Variants in ARHGAP42 observed in about 807,000 individuals in gnomAD.
The protein encoded by ARHGAP42 is rho GTPase-activating protein 42.
ARHGAP42 carries 63 observed loss-of-function variants against 125.0 expected under a neutral mutation model. The ratio of observed to expected loss-of-function variants is 0.50; its 90% CI spans 0.41 to 0.62. ARHGAP42 has a LOEUF of 0.62. ARHGAP42 is among the 20% of genes least tolerant of loss of function. The pLI is 0.00. For missense variants in ARHGAP42, 766 were observed against 1,024.2 expected (o/e 0.75, Z 3.44); for synonymous variants, 339 against 351.0 (o/e 0.97, Z 0.38).
chr11:100,805,238 G>C (rs1863962052), intron 3 of ARHGAP42, among the ~76,000 whole-genome samples: 1 of 152,084 alleles, frequency 6.6e-6, no homozygotes, highest in African/African-American at 2.4e-5. Flanking sequence ...GTGGGGATCT[G>C]GAGCCTTCAT....
At chr11:100,884,061 A>T (rs1343618454) in intron 4 of ARHGAP42, among the ~76,000 whole-genome samples, 1 of 152,214 alleles carries the variant, frequency 6.6e-6, no homozygotes, top group Non-Finnish European at 1.5e-5. Flanking sequence ...GACCGCACAC[A>T]GTGGATTTTC....
At chr11:100,976,997 G>A (rs374580296) in intron 21 of ARHGAP42, 26 bp downstream of exon 21, 14 of 1,550,164 alleles carry the variant, frequency 9.0e-6, no homozygotes, top group African/African-American at 1.4e-5. Flanking sequence ...TATATTTGCT[G>A]TGTCTCCCAG....
intron 1 of ARHGAP42, among the ~76,000 whole-genome samples, chr11:100,749,996 G>A (rs1045264914): frequency 1.3e-5 from 2 of 152,130 alleles, no homozygotes; most frequent in African/African-American, 4.8e-5. Context: ...TCCTCACACT[G>A]GGTCCTGATT....
chr11:100,976,838 A>G lies in ARHGAP42; in HGVS notation c.2260A>G (p.Ile754Val), dbSNP rs955750040. ...AGGAAACAAGAGCTACAGTGGATCT[A>G]TTCAAAGCTTAACTTCTGTAGGTTC... Reference protein sequence around the residue: ...AEGNKSYSGSIQSLTSVGSKE... With the variant: ...AEGNKSYSGSVQSLTSVGSKE... Residue 754 changes from isoleucine (I) to valine (V), a missense_variant, in exon 21 of 24, where the codon ATT becomes GTT. Physicochemically the swap from Ile to Val is conservative, Grantham distance 29. Around this residue, in one of 3 missense-constraint regions of ARHGAP42, gnomAD observed 308 missense variants for 369.7 expected, o/e 0.83. Transcript: ENST00000298815. 3.9e-6 allele frequency: 6 copies of G among 1,550,794 alleles called. No homozygotes were observed. Among genetic ancestry groups the G allele is most frequent in the Non-Finnish European group, 4.4e-6 (5 of 1,146,798 alleles).
At chr11:100,963,544 G>A (rs937428083) in intron 16 of ARHGAP42, among the ~76,000 whole-genome samples, 1 of 152,200 alleles carries the variant, frequency 6.6e-6, no homozygotes, top group Admixed American at 6.5e-5. Flanking sequence ...CACAGGAAAT[G>A]TGTGCTGATA....
At chr11:100,875,757 G>T (rs936338531) in intron 4 of ARHGAP42, among the ~76,000 whole-genome samples, 1 of 105,668 alleles carries the variant, frequency 9.5e-6, no homozygotes, top group Admixed American at 8.9e-5. Context: ...CACGTCCAGG[G>T]TGGCGGGGGG....
intron 8 of ARHGAP42, among the ~76,000 whole-genome samples, chr11:100,939,798 A>G (rs1297799767): frequency 6.6e-6 from 1 of 152,190 alleles, no homozygotes; most frequent in African/African-American, 2.4e-5. Flanking sequence ...AGAAAGCAGC[A>G]TGTGTTTGCA....
intron 3 of ARHGAP42, among the ~76,000 whole-genome samples, chr11:100,799,937 G>A (rs1366820562): frequency 1.3e-5 from 2 of 152,134 alleles, no homozygotes; most frequent in Non-Finnish European, 2.9e-5. Context: ...TGTTATGAAG[G>A]AGTGGTTATT....
intron 4 of ARHGAP42, among the ~76,000 whole-genome samples, chr11:100,890,174 C>G (rs1866185034): frequency 6.6e-6 from 1 of 152,188 alleles, no homozygotes. Context: ...TAGGCAGCCA[C>G]ATCTTTTGAA....
intron 3 of ARHGAP42, among the ~76,000 whole-genome samples, chr11:100,853,392 T>G (rs1865250297): frequency 6.6e-6 from 1 of 152,180 alleles, no homozygotes; most frequent in Non-Finnish European, 1.5e-5. Context: ...TTTGAAAATG[T>G]TTCCACAATG....
intron 1 of ARHGAP42, among the ~76,000 whole-genome samples, chr11:100,717,359 C>G (rs140823204): frequency 1.3e-5 from 2 of 152,036 alleles, no homozygotes; most frequent in African/African-American, 4.8e-5. Flanking sequence ...ATATATAGGC[C>G]GGGCGCGGTG....
chr11:100,990,475 C>T lies in ARHGAP42; in HGVS notation c.*1674C>T, dbSNP rs1858803843. 6.6e-6 allele frequency: 1 copy of T among 152,014 alleles called. No individual in the cohort carries two copies. The highest frequency in any genetic ancestry group is 1.5e-5 in the Non-Finnish European group (1 of 68,014). The allele number at this position is 152,014 out of a possible 1,614,324, so 9.4% of individuals were successfully genotyped here. On this transcript the variant is annotated 3_prime_UTR_variant, in exon 24 of 24. Coordinates refer to ENST00000298815, the MANE Select transcript of ARHGAP42 (RefSeq NM_152432.4). Reference sequence around the variant, plus strand: ...AACAAGTAGAGAGAATAACGGTAGGCAGAGTCAGAATCAGGAATAAATATC... The same window carrying T: ...AACAAGTAGAGAGAATAACGGTAGGTAGAGTCAGAATCAGGAATAAATATC...
chr11:100,708,995 A>T (rs1248899726), intron 1 of ARHGAP42, among the ~76,000 whole-genome samples: 2 of 152,170 alleles, frequency 1.3e-5, no homozygotes, highest in Admixed American at 1.3e-4. Flanking sequence ...ACCTTGTACT[A>T]TACTCACCTT....
chr11:100,983,563 C>A (rs889916601), intron 22 of ARHGAP42, among the ~76,000 whole-genome samples: 9 of 152,140 alleles, frequency 5.9e-5, no homozygotes, highest in Non-Finnish European at 8.8e-5. Context: ...TGTATTGTTG[C>A]TATCATAGTG....
chr11:100,842,819 C>T (rs527955750), intron 3 of ARHGAP42, among the ~76,000 whole-genome samples: 24 of 151,904 alleles, frequency 1.6e-4, no homozygotes, highest in Non-Finnish European at 1.5e-4. Context: ...ACAGCAAAGA[C>T]GGCGCTAAGA....
rs113343922 is a variant in ARHGAP42 at position 100,731,428 on chromosome 11, C to A, written c.155-38915C>A. 2.3e-3 allele frequency among the ~76,000 whole-genome samples: 344 copies of A among 152,204 alleles called. 2 individuals carry two copies. Among genetic ancestry groups the A allele is most frequent in the African/African-American group, 7.7e-3 (319 of 41,516 alleles). ...ACTCCTAGAGTGCAGGGATTACAGG[C>A]GTGAGCCACTGTGCCCGGCCATCAT... On this transcript the variant is annotated intron_variant, in intron 1 of 23. Coordinates refer to ENST00000298815, the MANE Select transcript of ARHGAP42 (RefSeq NM_152432.4).
At chr11:100,904,282 C>T (rs1409530199) in intron 4 of ARHGAP42, among the ~76,000 whole-genome samples, 5 of 148,892 alleles carry the variant, frequency 3.4e-5, no homozygotes, top group South Asian at 2.1e-4. Flanking sequence ...CTTGCTCTGT[C>T]GCCCAGGCTG....
chr11:100,861,282 G>A (rs924002547), intron 4 of ARHGAP42, among the ~76,000 whole-genome samples: 2 of 152,216 alleles, frequency 1.3e-5, no homozygotes, highest in African/African-American at 4.8e-5. Flanking sequence ...TGGCATTTTA[G>A]TGGAAGAAAG....
chr11:100,881,193 A>G (rs952923120), intron 4 of ARHGAP42, among the ~76,000 whole-genome samples: 2 of 152,154 alleles, frequency 1.3e-5, no homozygotes, highest in African/African-American at 4.8e-5. Context: ...TTCTGATGTT[A>G]TCTTCTAGAA....
Sources: allele counts gnomAD v4.1 joint callset (sites outside exome capture counted in the v4.1 genomes callset), GRCh38; gene constraint gnomAD v4.1.1; regional missense constraint gnomAD v4.1.1; transcripts MANE v1.5; gene names NCBI Gene and HGNC (gene_info 2026-07-23, HGNC 2026-07-21).